The following DMD variants were observed in gnomAD, a reference collection of about 807,000 sequenced individuals.
DMD encodes the protein mutant dystrophin.
A neutral mutation model predicts 330.1 loss-of-function variants in DMD; 63 were observed. That is an observed-to-expected ratio of 0.19 (90% CI 0.16 to 0.24). DMD has a LOEUF of 0.24. Among genes scored for constraint, DMD ranks in the 10% least tolerant of loss-of-function variants. DMD has a pLI of 1.00. For missense variants in DMD, 3,344 were observed against 2,684.1 expected, an observed-to-expected ratio of 1.25 and a Z score of -5.43; for synonymous variants, 1,223 against 959.8, an observed-to-expected ratio of 1.27 and a Z score of -5.07.
At chrX:32,833,692 TAAAA>T (rs5902041) in intron 4 of DMD, among the ~76,000 whole-genome samples, 14 of 81,126 alleles carry the variant, frequency 1.7e-4, no homozygotes, top group Admixed American at 2.8e-4. Context: ...TAATTTCAAG[TAAAA>T]AAAAAAAAAA....
At chrX:32,102,976 A>G (rs1277354680) in intron 44 of DMD, among the ~76,000 whole-genome samples, 2 of 112,014 alleles carry the variant, frequency 1.8e-5, no homozygotes, top group Non-Finnish European at 3.8e-5. Flanking sequence ...CTTAGGGAAC[A>G]TATAATTTAG....
intron 54 of DMD, among the ~76,000 whole-genome samples, chrX:31,651,605 AATATGTTACTCC>A (rs1250598981): frequency 9.0e-6 from 1 of 111,140 alleles, no homozygotes; most frequent in Non-Finnish European, 1.9e-5. Context: ...TTCCTCCCAA[AATATGTTACTCC>A]TGGAGCCTTC....
At chrX:32,868,401 G>A (rs181851828) in intron 2 of DMD, among the ~76,000 whole-genome samples, 2 of 111,437 alleles carry the variant, frequency 1.8e-5, no homozygotes, top group East Asian at 2.9e-4. Flanking sequence ...AGCTCTCCCG[G>A]GGAGGGGCGG....
chrX:33,004,260 T>C (rs1420992746), intron 2 of DMD, among the ~76,000 whole-genome samples: 2 of 111,925 alleles, frequency 1.8e-5, no homozygotes, highest in African/African-American at 6.5e-5. Flanking sequence ...CAACTCAAGA[T>C]GTTAGCAAAT....
intron 1 of DMD, among the ~76,000 whole-genome samples, chrX:33,077,577 G>GT (rs752899592): frequency 9.0e-5 from 10 of 111,691 alleles, no homozygotes; most frequent in Non-Finnish European, 1.9e-4. Flanking sequence ...CTTTGCAACT[G>GT]TTTGAGTGGA....
At chrX:31,254,344 C>CCG (rs889264102) in intron 63 of DMD, among the ~76,000 whole-genome samples, 2 of 111,056 alleles carry the variant, frequency 1.8e-5, no homozygotes, top group African/African-American at 6.6e-5. Flanking sequence ...GAGACCCCCC[C>CCG]CCAATAAGAC....
chrX:32,511,524 G>GGGAAAAAAAAAA (rs766801853), intron 18 of DMD, among the ~76,000 whole-genome samples: 24 of 49,712 alleles, frequency 4.8e-4, no homozygotes, highest in East Asian at 1.6e-3. Flanking sequence ...TCCGTCTCGG[G>GGGAAAAAAAAAA]AAAAAAAAAA....
At chrX:32,819,504 T>C (rs2078043904) in intron 5 of DMD, among the ~76,000 whole-genome samples, 4 of 111,300 alleles carry the variant, frequency 3.6e-5, no homozygotes, top group Non-Finnish European at 5.7e-5. Context: ...GCCAAACACA[T>C]GTTATATGCT....
chrX:33,316,731 A>G (rs1219134451), intron 1 of DMD, among the ~76,000 whole-genome samples: 2 of 111,094 alleles, frequency 1.8e-5, no homozygotes, highest in African/African-American at 6.5e-5. Flanking sequence ...GTAGCTATAT[A>G]CTAAGGTCTT....
In DMD at chrX:33,216,579, C is replaced by T. The variant is rs1328514093; in HGVS notation, c.7+122680G>A. On this transcript the variant is annotated intron_variant, in intron 1 of 17. Coordinates refer to the DMD transcript ENST00000288447. The stretch of plus-strand genomic sequence containing the variant: ...TATGCCCTTGTAACAAACTCCTGAA[C>T]ATGTACCCCCGATTCAAAATGAAAG... Among the ~76,000 whole-genome samples, 4 of 111,091 alleles carry T rather than the reference C, an allele frequency of 3.6e-5. No homozygotes were observed. In the East Asian group the frequency reaches 1.1e-3, roughly 31 times the overall value.
intron 1 of DMD, among the ~76,000 whole-genome samples, chrX:33,125,440 G>T (rs146791367): frequency 1.8e-5 from 2 of 111,059 alleles, no homozygotes; most frequent in Non-Finnish European, 3.8e-5. Flanking sequence ...ATCCTTAAAG[G>T]CATGTTCACC....
chrX:31,341,967 T>G (rs889545927), intron 61 of DMD, among the ~76,000 whole-genome samples: 3 of 109,363 alleles, frequency 2.7e-5, no homozygotes, highest in Admixed American at 9.8e-5. Flanking sequence ...AAAACAACAC[T>G]TAACCTTGCT....
intron 45 of DMD, among the ~76,000 whole-genome samples, chrX:31,959,658 G>T (rs1478941019): frequency 9.0e-6 from 1 of 110,628 alleles, no homozygotes; most frequent in African/African-American, 3.3e-5. Flanking sequence ...GTCAGATTTG[G>T]AGATGCTGAA....
chrX:32,613,947 C>T (rs1261976759), intron 12 of DMD, among the ~76,000 whole-genome samples: 2 of 110,241 alleles, frequency 1.8e-5, no homozygotes, highest in Non-Finnish European at 3.8e-5. Flanking sequence ...CTGGTGAGGG[C>T]CTTTTCACAG....
Position 32,821,927 on chromosome X carries a change from T to TG in DMD, c.357+1367dup, listed in dbSNP as rs760777210. Among the ~76,000 whole-genome samples, 577 of 110,594 alleles carry TG rather than the reference T, an allele frequency of 5.2e-3. 11 individuals are homozygous for TG. Among genetic ancestry groups the TG allele is most frequent in the African/African-American group, 0.018 (544 of 30,334 alleles). ...ATCCTGCAAATTTTAATGAACGTGG[T>TG]GGGGGGGAGTTATTCATCCCTCAAA... On this transcript the variant is annotated intron_variant, in intron 5 of 78. Coordinates refer to ENST00000357033, the MANE Select transcript of DMD (RefSeq NM_004006.3).
chrX:31,708,448 T>C (rs940985439), intron 52 of DMD, among the ~76,000 whole-genome samples: 1 of 112,146 alleles, frequency 8.9e-6, no homozygotes, highest in African/African-American at 3.2e-5. Context: ...CTCAATTTCA[T>C]GAGTGATAAC....
intron 7 of DMD, among the ~76,000 whole-genome samples, chrX:32,718,991 AGGC>A (rs2065995051): frequency 8.9e-6 from 1 of 111,963 alleles, no homozygotes; most frequent in African/African-American, 3.2e-5. Context: ...ATCGGGGAAG[AGGC>A]TATATTCTTG....
intron 52 of DMD, among the ~76,000 whole-genome samples, chrX:31,700,222 G>A (rs938669925): frequency 1.1e-4 from 12 of 110,699 alleles, no homozygotes; most frequent in Non-Finnish European, 5.7e-5. Context: ...AAAACACAAA[G>A]CAGTGTATTA....
chrX:33,130,585 G>A (rs2095493289), intron 1 of DMD, among the ~76,000 whole-genome samples: 1 of 107,992 alleles, frequency 9.3e-6, no homozygotes, highest in Non-Finnish European at 1.9e-5. Flanking sequence ...ACGGAGTTTT[G>A]CTCTTGTTGC....
Sources: gnomAD v4.1 joint callset for allele counts (sites outside exome capture counted in the v4.1 genomes callset) on GRCh38, gnomAD v4.1.1 for gene constraint, MANE v1.5 for transcripts, NCBI Gene and HGNC (gene_info 2026-07-23, HGNC 2026-07-21) for gene names.